The following BCL2 variants were observed in gnomAD, a reference collection of about 807,000 sequenced individuals.
The protein encoded by BCL2 is BCL2 apoptosis regulator.
In BCL2, 1 loss-of-function variant was observed where a neutral mutation model predicts 14.2. The observed-to-expected ratio is 0.07, with a 90% CI of 0.02 to 0.33. The LOEUF is 0.33. BCL2 is among the 10% of genes least tolerant of loss of function. The pLI, the probability that BCL2 is intolerant of heterozygous loss-of-function variation, is 0.99. For missense variants in BCL2, 247 were observed against 305.9 expected (o/e 0.81, Z 1.44); for synonymous variants, 151 against 137.2 (o/e 1.10, Z -0.70).
At chr18:63,314,369 T>C (rs1026240015) in intron 2 of BCL2, 1 of 152,214 alleles carries the variant, frequency 6.6e-6, no homozygotes, top group African/African-American at 2.4e-5. Flanking sequence ...TTTTGCTGGA[T>C]GTGGACTGCC....
At chr18:63,212,266 T>G (rs1448546453) in intron 2 of BCL2, among the ~76,000 whole-genome samples, 1 of 151,576 alleles carries the variant, frequency 6.6e-6, no homozygotes, top group East Asian at 1.9e-4. Context: ...AGGCAGAGGT[T>G]GCAGTGAGCC....
At chr18:63,244,189 C>T (rs751883979) in intron 2 of BCL2, among the ~76,000 whole-genome samples, 2 of 152,124 alleles carry the variant, frequency 1.3e-5, no homozygotes, top group African/African-American at 4.8e-5. Context: ...ACTGGCCTGG[C>T]CAAGATGGTG....
rs368710870 is a variant in BCL2, at chr18:63,211,804, A to C, written c.586-83045T>G. Among the ~76,000 whole-genome samples the C allele has an allele frequency of 1.5e-4, 23 of 152,358 alleles. No individual in the cohort carries two copies. In the East Asian group the frequency reaches 1.5e-3, roughly 10 times the overall value. Reference sequence around the variant, plus strand: ...AACGCCAGTGCAGAGGAGCCATGCCACGCAAAGGTCCCCTGCGGCAGCACC... The same window carrying C: ...AACGCCAGTGCAGAGGAGCCATGCCCCGCAAAGGTCCCCTGCGGCAGCACC... On this transcript the variant is annotated intron_variant, in intron 2 of 2. Transcript: ENST00000333681.
In BCL2 at chr18:63,125,783, G is replaced by C. The variant is rs1913896150; in HGVS notation, c.*2842C>G. 4.6e-6 allele frequency: 1 copy of C among 218,546 alleles called. No homozygotes were observed. 13.5% of individuals were successfully genotyped at this position (218,546 alleles called of 1,614,324 possible). On this transcript the variant is annotated 3_prime_UTR_variant, in exon 3 of 3. Transcript: ENST00000333681. ...GAAAATGCAACATCAACTACTCTTAGAGCAAGTGCAGCCACAATACTGTAC... is the reference window on the plus strand; with the variant it reads ...GAAAATGCAACATCAACTACTCTTACAGCAAGTGCAGCCACAATACTGTAC...
chr18:63,165,873 C>T (rs1459376794), intron 2 of BCL2, among the ~76,000 whole-genome samples: 1 of 152,208 alleles, frequency 6.6e-6, no homozygotes, highest in Non-Finnish European at 1.5e-5. Flanking sequence ...AAACAGAGTT[C>T]ACTCCCAGGT....
chr18:63,126,160 C>A lies in BCL2; in HGVS notation c.*2465G>T. On this transcript the variant is annotated 3_prime_UTR_variant, in exon 3 of 3. Transcript: ENST00000333681. The stretch of plus-strand genomic sequence containing the variant: ...AAACCTTTCATAAAATAATATTTTG[C>A]TTAAAAATTAGAATCATTCAAAGGT... 1 of 213,504 alleles carries A rather than the reference C, an allele frequency of 4.7e-6. No individual in the cohort carries two copies. Among genetic ancestry groups the A allele is most frequent in the South Asian group, 1.9e-4 (1 of 5,344 alleles). 13.2% of individuals were successfully genotyped at this position (213,504 alleles called of 1,614,324 possible). A position where few individuals can be genotyped will look rare whatever the true frequency, so the allele number is the denominator to read the frequency against.
At chr18:63,317,523 GACTT>G in intron 2 of BCL2, 2 of 981,346 alleles carry the variant, frequency 2.0e-6, no homozygotes, top group Non-Finnish European at 2.4e-6. Context: ...CAGGGAAAAA[GACTT>G]ACATTGGTTT....
chr18:63,144,378 C>T (rs924298461), intron 2 of BCL2, among the ~76,000 whole-genome samples: 1 of 152,074 alleles, frequency 6.6e-6, no homozygotes, highest in Admixed American at 6.6e-5. Context: ...GAAGAGACTG[C>T]CATCAGAAAG....
At chr18:63,158,918 T>G (rs1236815036) in intron 2 of BCL2, among the ~76,000 whole-genome samples, 1 of 152,188 alleles carries the variant, frequency 6.6e-6, no homozygotes, top group Non-Finnish European at 1.5e-5. Flanking sequence ...GGGCTGTTTT[T>G]CCAAAGCAGT....
At chr18:63,138,669 G>T (rs541320574) in intron 2 of BCL2, among the ~76,000 whole-genome samples, 23 of 152,366 alleles carry the variant, frequency 1.5e-4, no homozygotes, top group African/African-American at 5.3e-4. Flanking sequence ...TGGGTCCAGG[G>T]GGAGGGGCTG....
chr18:63,189,948 TGGTCTATTG>T (rs1320372590), intron 2 of BCL2, among the ~76,000 whole-genome samples: 1 of 152,190 alleles, frequency 6.6e-6, no homozygotes, highest in African/African-American at 2.4e-5. Flanking sequence ...TGTGGAAAAG[TGGTCTATTG>T]GGTATTCCCA....
chr18:63,202,285 G>A (rs2144665290), intron 2 of BCL2, among the ~76,000 whole-genome samples: 1 of 152,272 alleles, frequency 6.6e-6, no homozygotes, highest in South Asian at 2.1e-4. Flanking sequence ...CTCCAGCCTG[G>A]GCGACAGAGC....
chr18:63,258,555 T>C (rs1911552934), intron 2 of BCL2, among the ~76,000 whole-genome samples: 1 of 152,240 alleles, frequency 6.6e-6, no homozygotes, highest in Admixed American at 6.5e-5. Flanking sequence ...TATGTGATGT[T>C]ATCAGAACAA....
At chr18:63,211,122 GT>G (rs1208298970) in intron 2 of BCL2, among the ~76,000 whole-genome samples, 3 of 121,256 alleles carry the variant, frequency 2.5e-5, no homozygotes, top group Non-Finnish European at 1.6e-5. Context: ...CCAGGCTGGA[GT>G]GCAGTGGTGC....
At chr18:63,265,581 T>A (rs1911802947) in intron 2 of BCL2, among the ~76,000 whole-genome samples, 2 of 152,110 alleles carry the variant, frequency 1.3e-5, no homozygotes, top group Admixed American at 1.3e-4. Flanking sequence ...GGAAGGTCAG[T>A]CTTAACTATG....
At chr18:63,217,688 C>A (rs565491507) in intron 2 of BCL2, among the ~76,000 whole-genome samples, 2 of 152,280 alleles carry the variant, frequency 1.3e-5, no homozygotes, top group South Asian at 4.1e-4. Context: ...TAACTGGCCA[C>A]GTGTCTGTGG....
At chr18:63,292,947 C>T (rs935711455) in intron 2 of BCL2, among the ~76,000 whole-genome samples, 41 of 152,358 alleles carry the variant, frequency 2.7e-4, no homozygotes, top group African/African-American at 8.4e-4. Flanking sequence ...ATAATAGCGA[C>T]GGCTCTCATG....
At chr18:63,176,070 G>T (rs1329796525) in intron 2 of BCL2, among the ~76,000 whole-genome samples, 1 of 152,174 alleles carries the variant, frequency 6.6e-6, no homozygotes, top group Non-Finnish European at 1.5e-5. Flanking sequence ...AGCGTGGTTT[G>T]GTTGCCTGCT....
intron 2 of BCL2, among the ~76,000 whole-genome samples, chr18:63,219,100 C>A (rs1910308733): frequency 6.6e-6 from 1 of 152,176 alleles, no homozygotes; most frequent in African/African-American, 2.4e-5. Context: ...TAAAGGACTT[C>A]TAACTTCCCC....
Sources: allele counts gnomAD v4.1 joint callset (sites outside exome capture counted in the v4.1 genomes callset), GRCh38; gene constraint gnomAD v4.1.1; transcripts MANE v1.5; gene names NCBI Gene and HGNC (gene_info 2026-07-23, HGNC 2026-07-21).